The following CPLANE1 variants were observed in gnomAD, a reference collection of about 807,000 sequenced individuals.
The protein encoded by CPLANE1 is ciliogenesis and planar polarity effector 1.
Under a neutral mutation model 362.5 loss-of-function variants are expected in CPLANE1, and 263 were observed. The observed-to-expected ratio is 0.73, with a 90% CI of 0.66 to 0.80. The LOEUF (loss-of-function observed/expected upper bound fraction) is 0.80, where lower values mean the gene tolerates loss of function less well. CPLANE1 is among the 30% of genes least tolerant of loss of function. The probability of loss-of-function intolerance (pLI) is 0.00; values close to 1 mark genes in which losing one functional copy is unlikely to be tolerated. For missense variants in CPLANE1, 3,461 were observed against 3,793.4 expected (o/e 0.91, Z 2.30); for synonymous variants, 1,212 against 1,302.6 (o/e 0.93, Z 1.50).
rs201009727 is a variant in CPLANE1 at position 37,195,846 on chromosome 5, T to C, written c.3811+12A>G. On this transcript the variant is annotated intron_variant, in intron 21 of 52. Transcript: ENST00000651892. Reference sequence around the variant, plus strand: ...ATTCATACTCTAAGCAAGCAGTTCATTTTGGACAAACCTATTGCTCTAATG... The same window carrying C: ...ATTCATACTCTAAGCAAGCAGTTCACTTTGGACAAACCTATTGCTCTAATG... 3.9e-5 allele frequency: 62 copies of C among 1,601,380 alleles called. No individual in the cohort carries two copies. Among genetic ancestry groups the C allele is most frequent in the Non-Finnish European group, 5.1e-5 (60 of 1,176,628 alleles).
At chr5:37,121,829 G>A (rs749855192) in intron 48 of CPLANE1, 45 bp from the exon 49 acceptor site, 2 of 1,500,140 alleles carry the variant, frequency 1.3e-6, no homozygotes, top group Non-Finnish European at 9.2e-7. Flanking sequence ...GTCACTTTCA[G>A]TTCATCTATC....
chr5:37,174,886 T>C (rs973047273), intron 31 of CPLANE1, among the ~76,000 whole-genome samples: 2 of 152,198 alleles, frequency 1.3e-5, no homozygotes, highest in African/African-American at 4.8e-5. Flanking sequence ...AGTGAAAGCT[T>C]TGAGTGTTGC....
At chr5:37,201,508 G>A in intron 19 of CPLANE1, 83 bp downstream of exon 19, 1 of 1,147,430 alleles carries the variant, frequency 8.7e-7, no homozygotes, top group Non-Finnish European at 1.2e-6. Context: ...TTTTTAACCT[G>A]ATGATTATTA....
At chr5:37,208,438 G>A (rs1249463339) in intron 16 of CPLANE1, among the ~76,000 whole-genome samples, 1 of 152,246 alleles carries the variant, frequency 6.6e-6, no homozygotes, top group Admixed American at 6.5e-5. Flanking sequence ...AGCACTTTGG[G>A]AGGCCGAGGT....
intron 20 of CPLANE1, 112 bp downstream of exon 20, chr5:37,198,590 T>C (rs965261345): frequency 9.9e-6 from 10 of 1,011,894 alleles, no homozygotes; most frequent in African/African-American, 1.6e-5. Flanking sequence ...CTGAAATTTG[T>C]GGATTTATAG....
the CPLANE1 span, among the ~76,000 whole-genome samples, chr5:37,091,692 A>G: frequency 3.3e-5 from 5 of 152,242 alleles, no homozygotes; most frequent in African/African-American, 1.2e-4. Flanking sequence ...GGAAAGATGT[A>G]AACAGTAATG....
rs926760440 is a variant in CPLANE1 at position 37,244,909 on chromosome 5, G to GA, written c.338-303dup. On this transcript the variant is annotated intron_variant, in intron 4 of 52. Transcript: ENST00000651892. ...AGAACAAGATCCTGTCTCTAAAAAAGAAAAAAAAAGGCTGGGTGGATCACG... is the reference window on the plus strand; with the variant it reads ...AGAACAAGATCCTGTCTCTAAAAAAGAAAAAAAAAAGGCTGGGTGGATCACG... Among the ~76,000 whole-genome samples, 7 of 148,878 alleles carry GA rather than the reference G, an allele frequency of 4.7e-5. No individual in the cohort carries two copies. In the South Asian group the frequency reaches 1.1e-3, roughly 23 times the overall value.
At chr5:37,179,830 T>C (rs558145269) in intron 28 of CPLANE1, among the ~76,000 whole-genome samples, 187 bp downstream of exon 28, 62 of 152,294 alleles carry the variant, frequency 4.1e-4, no homozygotes, top group African/African-American at 1.5e-3. Flanking sequence ...TTCTTGGTTT[T>C]ATTAAAACCA....
At chr5:37,221,566 T>C in intron 14 of CPLANE1, 78 bp from the exon 15 acceptor site, 1 of 955,314 alleles carries the variant, frequency 1.0e-6, no homozygotes, top group South Asian at 3.0e-5. Context: ...TTGACGGGAG[T>C]GTGTAGTTTG....
At position 37,201,729 on chromosome 5, in the gene CPLANE1, T is replaced by C. The variant is rs1403359070; in HGVS notation, c.3369A>G (p.Ala1123=). The C allele has an allele frequency of 1.2e-6, 2 of 1,614,016 alleles. No individual in the cohort carries two copies. Among genetic ancestry groups the C allele is most frequent in the Non-Finnish European group, 1.7e-6 (2 of 1,179,978 alleles). ...GTTGAAATGTCTCCGAAAGAATATC[T>C]GCATCGGCCATAACTGATGCTTTCA... is the stretch of plus-strand genomic sequence containing the variant. ...EVLKASVMAD[A]DILSETFQLL... Residue 1123 remains alanine (A), a synonymous_variant, in exon 19 of 53, where the codon GCA becomes GCG. Coordinates refer to ENST00000651892, the MANE Select transcript of CPLANE1 (RefSeq NM_001384732.1).
chr5:37,190,586 AC>A (rs979302939), intron 21 of CPLANE1, among the ~76,000 whole-genome samples: 2 of 152,142 alleles, frequency 1.3e-5, no homozygotes, highest in African/African-American at 4.8e-5. Context: ...TGTGTGGTGG[AC>A]CTTGATTGGA....
At chr5:37,109,725 C>T (rs1254318911) in intron 51 of CPLANE1, among the ~76,000 whole-genome samples, 4 of 152,282 alleles carry the variant, frequency 2.6e-5, no homozygotes, top group Non-Finnish European at 4.4e-5. Context: ...GGTGCAATTT[C>T]GGTTCGCTGC....
chr5:37,230,746 G>T, intron 9 of CPLANE1, 121 bp downstream of exon 9: 1 of 584,870 alleles, frequency 1.7e-6, no homozygotes, highest in Non-Finnish European at 2.6e-6. Flanking sequence ...ATATTGAGAT[G>T]ACAGACTCAA....
chr5:37,078,127 T>C, the CPLANE1 span, among the ~76,000 whole-genome samples: 2 of 152,182 alleles, frequency 1.3e-5, no homozygotes, highest in Non-Finnish European at 2.9e-5. Flanking sequence ...GGTGTGGTGG[T>C]TTGCTGTACA....
intron 31 of CPLANE1, among the ~76,000 whole-genome samples, chr5:37,175,321 C>T (rs1180317003): frequency 1.3e-5 from 2 of 152,112 alleles, no homozygotes; most frequent in African/African-American, 2.4e-5. Context: ...GCAAAAGGGC[C>T]GGATCTGGGT....
intron 43 of CPLANE1, among the ~76,000 whole-genome samples, chr5:37,147,971 C>CAAAAAAAAAAA (rs11284644): frequency 2.0e-4 from 3 of 15,312 alleles, no homozygotes; most frequent in African/African-American, 4.0e-4. Context: ...ACTGCCTTCT[C>CAAAAAAAAAAA]AAAAAAAAAA....
intron 51 of CPLANE1, among the ~76,000 whole-genome samples, chr5:37,110,215 G>A (rs558054490): frequency 6.6e-6 from 1 of 152,022 alleles, no homozygotes; most frequent in African/African-American, 2.4e-5. Context: ...CCTTGCCTTA[G>A]CCTACAGTAT....
chr5:37,129,662 T>A (rs1032355294), intron 46 of CPLANE1, among the ~76,000 whole-genome samples: 1 of 152,122 alleles, frequency 6.6e-6, no homozygotes, highest in Non-Finnish European at 1.5e-5. Flanking sequence ...ACATCGCTAA[T>A]GATCAGGGAA....
chr5:37,150,937 G>A (rs900812102), intron 42 of CPLANE1, among the ~76,000 whole-genome samples: 4 of 152,282 alleles, frequency 2.6e-5, no homozygotes, highest in East Asian at 1.9e-4. Context: ...TGGAACCACT[G>A]TGACCCATGT....
Sources: allele counts gnomAD v4.1 joint callset (sites outside exome capture counted in the v4.1 genomes callset), GRCh38; gene constraint gnomAD v4.1.1; transcripts MANE v1.5; gene names NCBI Gene and HGNC (gene_info 2026-07-23, HGNC 2026-07-21).